UNC13C: variants seen among roughly 807,000 people sequenced by gnomAD.
UNC13C encodes the protein protein unc-13 homolog C.
UNC13C carries 174 observed loss-of-function variants against 245.4 expected under a neutral mutation model. The ratio of observed to expected loss-of-function variants is 0.71; its 90% CI spans 0.63 to 0.80. UNC13C has a LOEUF of 0.80. UNC13C is among the 30% of genes least tolerant of loss of function. UNC13C has a pLI of 0.00. For synonymous variants in UNC13C, 992 were observed against 895.1 expected, an observed-to-expected ratio of 1.11 and a Z score of -1.93; for missense variants, 2,829 against 2,602.9, an observed-to-expected ratio of 1.09 and a Z score of -1.89.
chr15:54,303,980 A>G (rs539918385), intron 13 of UNC13C, among the ~76,000 whole-genome samples: 1 of 152,222 alleles, frequency 6.6e-6, no homozygotes, highest in South Asian at 2.1e-4. Context: ...ATTGGGTCTC[A>G]TTGTATTTAT....
In UNC13C at chr15:53,981,587, T is replaced by C. The variant is rs189449562; in HGVS notation, c.-257+2660T>C. On this transcript the variant is annotated intron_variant, in intron 1 of 32. Transcript: ENST00000260323. ...TCCTTTCTGGATCTTAAGTTGTCTGTGGTTGGATCACTAGGCTCCAACTTT... is the reference window on the plus strand; with the variant it reads ...TCCTTTCTGGATCTTAAGTTGTCTGCGGTTGGATCACTAGGCTCCAACTTT... 5.8e-4 allele frequency among the ~76,000 whole-genome samples: 88 copies of C among 152,290 alleles called. 4 individuals are homozygous for C. In the East Asian group the frequency reaches 0.017, roughly 29 times the overall value.
At chr15:54,050,746 A>C in intron 2 of UNC13C, 2 of 576,458 alleles carry the variant, frequency 3.5e-6, no homozygotes, top group Admixed American at 3.8e-5. Flanking sequence ...TTGTTCCACT[A>C]GTGAACAAGT....
At chr15:53,888,168 C>T in the UNC13C span, among the ~76,000 whole-genome samples, 17 of 152,176 alleles carry the variant, frequency 1.1e-4, no homozygotes, top group African/African-American at 3.9e-4. Context: ...ACATTCCCAC[C>T]AACAGTGTAA....
intron 4 of UNC13C, among the ~76,000 whole-genome samples, chr15:54,227,090 G>A (rs1567115575): frequency 6.6e-6 from 1 of 152,156 alleles, no homozygotes; most frequent in African/African-American, 2.4e-5. Flanking sequence ...ACAGCTGGAG[G>A]GTGAGCAGAG....
At chr15:54,093,533 C>T (rs1899683313) in intron 2 of UNC13C, among the ~76,000 whole-genome samples, 1 of 152,166 alleles carries the variant, frequency 6.6e-6, no homozygotes, top group Admixed American at 6.5e-5. Flanking sequence ...TTAATGAGAA[C>T]ATCTTTTATT....
chr15:53,990,952 C>T (rs73412884), intron 1 of UNC13C, among the ~76,000 whole-genome samples: 2,840 of 152,006 alleles, frequency 0.019, 95 homozygotes, highest in African/African-American at 0.065. Context: ...TGACAGAGAA[C>T]GAAGTTGTAG....
At chr15:53,951,636 A>G in the UNC13C span, among the ~76,000 whole-genome samples, 32 of 152,216 alleles carry the variant, frequency 2.1e-4, no homozygotes, top group African/African-American at 7.7e-4. Flanking sequence ...TGCTTAATCT[A>G]GCTAGTGGTG....
At chr15:54,209,998 CTAACTA>C (rs1462821121) in intron 4 of UNC13C, among the ~76,000 whole-genome samples, 1 of 151,804 alleles carries the variant, frequency 6.6e-6, no homozygotes, top group Non-Finnish European at 1.5e-5. Flanking sequence ...TCAATTTTCT[CTAACTA>C]TATTAACTTT....
the UNC13C span, among the ~76,000 whole-genome samples, chr15:53,867,543 A>C: frequency 6.6e-6 from 1 of 152,120 alleles, no homozygotes; most frequent in Non-Finnish European, 1.5e-5. Context: ...CTGAAAATCA[A>C]TGTCTTTCTT....
At chr15:54,327,911 C>T (rs1222954043) in intron 14 of UNC13C, among the ~76,000 whole-genome samples, 1 of 151,982 alleles carries the variant, frequency 6.6e-6, no homozygotes, top group Admixed American at 6.6e-5. Flanking sequence ...GATTATGAAA[C>T]TGGCAAGAGG....
At chr15:54,047,035 A>T (rs1897067750) in intron 2 of UNC13C, among the ~76,000 whole-genome samples, 2 of 152,112 alleles carry the variant, frequency 1.3e-5, no homozygotes, top group African/African-American at 4.8e-5. Context: ...AATGTCCAAA[A>T]ATGGGTTCAC....
intron 10 of UNC13C, among the ~76,000 whole-genome samples, chr15:54,271,271 A>C (rs886262834): frequency 1.3e-5 from 2 of 152,208 alleles, no homozygotes; most frequent in African/African-American, 4.8e-5. Context: ...ATTAATTAAG[A>C]TAACACATAT....
At chr15:53,989,618 A>G (rs80340769) in intron 1 of UNC13C, among the ~76,000 whole-genome samples, 3,662 of 152,142 alleles carry the variant, frequency 0.024, 212 homozygotes, top group East Asian at 0.21. Context: ...ATAGCCAAAT[A>G]GAATAATATC....
intron 13 of UNC13C, chr15:54,321,438 G>A (rs148138049): frequency 6.1e-6 from 3 of 494,572 alleles, no homozygotes; most frequent in Non-Finnish European, 1.2e-5. Flanking sequence ...CACAACTCTT[G>A]CATCTGCCTT....
At chr15:54,164,926 T>C (rs1310257457) in intron 4 of UNC13C, among the ~76,000 whole-genome samples, 6 of 152,204 alleles carry the variant, frequency 3.9e-5, no homozygotes, top group Non-Finnish European at 8.8e-5. Flanking sequence ...CTCATTATAT[T>C]GTAAAATAAC....
At chr15:54,630,032 T>C (rs1355015421), downstream of UNC13C, 1 of 152,220 alleles carries the variant, frequency 6.6e-6, no homozygotes, top group Non-Finnish European at 1.5e-5. Flanking sequence ...GTAGTCACTC[T>C]AAGGTTCCCA....
chr15:54,569,580 C>G (rs1005092726), intron 30 of UNC13C, among the ~76,000 whole-genome samples: 10 of 151,176 alleles, frequency 6.6e-5, no homozygotes, highest in African/African-American at 2.2e-4. Flanking sequence ...GTGCATACAT[C>G]TATGTATGTT....
intron 24 of UNC13C, among the ~76,000 whole-genome samples, chr15:54,514,193 A>C (rs1894871279): frequency 6.6e-6 from 1 of 152,198 alleles, no homozygotes; most frequent in Non-Finnish European, 1.5e-5. Flanking sequence ...AAAGATGAAA[A>C]AGGATTTGAT....
chr15:54,466,466 A>G (rs1010298841), intron 19 of UNC13C, among the ~76,000 whole-genome samples: 1 of 151,906 alleles, frequency 6.6e-6, no homozygotes, highest in Non-Finnish European at 1.5e-5. Flanking sequence ...TTAGACATCA[A>G]TTTCCAAAAA....
Sources: allele counts gnomAD v4.1 joint callset (sites outside exome capture counted in the v4.1 genomes callset), GRCh38; gene constraint gnomAD v4.1.1; transcripts MANE v1.5; gene names NCBI Gene and HGNC (gene_info 2026-07-23, HGNC 2026-07-21).